PRSS36: variants seen among roughly 807,000 people sequenced by gnomAD.
The protein encoded by PRSS36 is serine protease 36.
A neutral mutation model predicts 94.3 loss-of-function variants in PRSS36; 90 were observed. That is an observed-to-expected ratio of 0.95 (90% CI 0.80 to 1.14). The LOEUF (loss-of-function observed/expected upper bound fraction) is 1.14. Among genes scored for constraint, PRSS36 ranks in the 50% most tolerant of loss-of-function variants. The probability of loss-of-function intolerance (pLI) is 0.00; values close to 1 mark genes in which losing one functional copy is unlikely to be tolerated. For synonymous variants in PRSS36, 500 were observed against 489.6 expected, an observed-to-expected ratio of 1.02 and a Z score of -0.28; for missense variants, 1,158 against 1,135.0, an observed-to-expected ratio of 1.02 and a Z score of -0.29.
In PRSS36 at chr16:31,139,297, G is replaced by T. The variant is rs773413780; in HGVS notation, c.2409C>A (p.Ile803=). The T allele has an allele frequency of 1.2e-6, 2 of 1,614,166 alleles. No individual in the cohort carries two copies. Residue 803 remains isoleucine (I), a synonymous_variant, in exon 15 of 15, where the codon ATC becomes ATA. Coordinates refer to ENST00000268281, the MANE Select transcript of PRSS36 (RefSeq NM_173502.5). ...FAAIGPEEAW[I]SQTVGEANFL... ...AGTTGGCCTCTCCCACTGTCTGGGA[G>T]ATCCAGGCCTCTTCAGGACCAATGG...
In PRSS36 at chr16:31,139,268, AG is replaced by A. The variant is rs2057641080; in HGVS notation, c.2437del (p.Leu813CysfsTer37). The A allele has an allele frequency of 9.9e-6, 16 of 1,614,186 alleles. No homozygotes were observed. Among genetic ancestry groups the A allele is most frequent in the Non-Finnish European group, 1.4e-5 (16 of 1,180,014 alleles). ...CCAGTGTGGGGAGCCACTGGGGGGCAGGAAGTTGGCCTCTCCCACTGTCTGG... is the reference window on the plus strand; with the variant it reads ...CCAGTGTGGGGAGCCACTGGGGGGCAGAAGTTGGCCTCTCCCACTGTCTGG... ...ISQTVGEANF[L>X]PPSGSPHWPT... On this transcript the variant is annotated frameshift_variant, in exon 15 of 15. Coordinates refer to ENST00000268281, the MANE Select transcript of PRSS36 (RefSeq NM_173502.5). LOFTEE classifies it low-confidence loss of function (END_TRUNC).
Position 31,140,576 on chromosome 16 carries a change from C to T in PRSS36, c.2083G>A (p.Ala695Thr). 1 of 1,601,440 alleles carries T rather than the reference C, an allele frequency of 6.2e-7. No individual in the cohort carries two copies. Among genetic ancestry groups the T allele is most frequent in the Non-Finnish European group, 8.5e-7 (1 of 1,173,782 alleles). The change falls in exon 13 of 15, where the codon GCC (alanine) becomes ACC (threonine). Residue 695 changes from alanine to threonine, a missense_variant. Physicochemically the swap from Ala to Thr is moderately conservative, Grantham distance 58 (BLOSUM62 0). Coordinates refer to ENST00000268281, the MANE Select transcript of PRSS36 (RefSeq NM_173502.5). Reference sequence around the variant, plus strand: ...GCCGGGTGGAGACAGATGGGCAGGGCTGATGGGGAGGGCTCCACCCGGGAG... The same window carrying T: ...GCCGGGTGGAGACAGATGGGCAGGGTTGATGGGGAGGGCTCCACCCGGGAG... ...LSSRVEPSPS[A>T]LPICLHPAGI...
chr16:31,141,333 G>T, intron 12 of PRSS36, 136 bp downstream of exon 12: 2 of 1,167,262 alleles, frequency 1.7e-6, no homozygotes, highest in Non-Finnish European at 2.4e-6. Flanking sequence ...ATTGCTTGAG[G>T]CTGGCCTGGG....
Position 31,145,802 on chromosome 16 carries a change from C to T in PRSS36, c.707G>A (p.Arg236Lys), listed in dbSNP as rs1428184313. Reference protein sequence around the residue: ...MLCAGYPEGRRDTCQGDSGGP... With the variant: ...MLCAGYPEGRKDTCQGDSGGP... Reference sequence around the variant, plus strand: ...GCCTTCCCTCACCTGGCAGGTGTCCCTGCGGCCCTCTGGGTAGCCAGCACA... The same window carrying T: ...GCCTTCCCTCACCTGGCAGGTGTCCTTGCGGCCCTCTGGGTAGCCAGCACA... The change falls in exon 6 of 15, where the codon AGG becomes AAG. Residue 236 changes from arginine (R) to lysine (K), a missense_variant. Physicochemically the swap from Arg to Lys is conservative, Grantham distance 26 (BLOSUM62 2). Coordinates refer to ENST00000268281, the MANE Select transcript of PRSS36 (RefSeq NM_173502.5). The T allele has an allele frequency of 1.9e-6, 3 of 1,613,244 alleles. No individual in the cohort carries two copies. The highest frequency in any genetic ancestry group is 4.5e-5 in the East Asian group (2 of 44,896).
At position 31,139,252 on chromosome 16, in the gene PRSS36, G is replaced by A. The variant is rs1488177241; in HGVS notation, c.2454C>T (p.Ser818=). Residue 818 remains serine, a synonymous_variant, in exon 15 of 15, where the codon TCC becomes TCT. Coordinates refer to ENST00000268281, the MANE Select transcript of PRSS36 (RefSeq NM_173502.5). ...GEANFLPPSG[S]PHWPTGGSNL... ...TGCTGCCTCCAGTGGGCCAGTGTGG[G>A]GAGCCACTGGGGGGCAGGAAGTTGG... 5 of 1,614,126 alleles carry A rather than the reference G, an allele frequency of 3.1e-6. No homozygotes were observed. In the South Asian group the frequency reaches 5.5e-5, roughly 18 times the overall value.
chr16:31,149,713 C>T lies in PRSS36; in HGVS notation c.56G>A (p.Gly19Glu). The T allele has an allele frequency of 6.2e-7, 1 of 1,614,170 alleles. No individual in the cohort carries two copies. Residue 19 changes from glycine to glutamate, a missense_variant, in exon 2 of 15, where the codon GGA becomes GAA. Physicochemically the swap from Gly to Glu is moderately conservative, Grantham distance 98. Coordinates refer to ENST00000268281, the MANE Select transcript of PRSS36 (RefSeq NM_173502.5). ...TACCTTACCTGAGTCCTGGAAGGCT[C>T]CTGGGATGGGACTGATGACTGGAAA... ...LVMLVISPIP[G>E]AFQDSALSPT...
intron 8 of PRSS36, 93 bp from the exon 9 acceptor site, chr16:31,143,086 G>A: frequency 1.5e-6 from 2 of 1,379,264 alleles, no homozygotes; most frequent in Non-Finnish European, 1.9e-6. Flanking sequence ...CGAGGATCCT[G>A]CATCCTGGCG....
chr16:31,145,744 T>A lies in PRSS36; in HGVS notation c.720+45A>T. ...ATGTCCTTTATCTATTTGTCACTGG[T>A]TAGGACTCTGGCCCTGCCAGGCAGG... On this transcript the variant is annotated intron_variant, in intron 6 of 14. Transcript: ENST00000268281. 5 of 1,582,432 alleles carry A rather than the reference T, an allele frequency of 3.2e-6. No homozygotes were observed. In the East Asian group the frequency reaches 1.1e-4, roughly 35 times the overall value.
In PRSS36 at chr16:31,149,250, C is replaced by A. The variant is rs751962508; in HGVS notation, c.110-15G>T. The A allele has an allele frequency of 1.3e-6, 2 of 1,541,624 alleles. No individual in the cohort carries two copies. The highest frequency in any genetic ancestry group is 2.4e-5 in the South Asian group (2 of 83,486). On this transcript the variant is annotated splice_polypyrimidine_tract_variant and intron_variant, in intron 3 of 14. Transcript: ENST00000268281. ...GCGCCCGCAGTCTGCAACGGGGAGCCGTGGAAGCCAAAGCTCCCCTCGGGT... is the reference window on the plus strand; with the variant it reads ...GCGCCCGCAGTCTGCAACGGGGAGCAGTGGAAGCCAAAGCTCCCCTCGGGT...
At chr16:31,142,254 A>C (rs1029044627) in intron 10 of PRSS36, among the ~76,000 whole-genome samples, 2 of 143,074 alleles carry the variant, frequency 1.4e-5, no homozygotes, top group Non-Finnish European at 3.1e-5. Context: ...CCCCGCTTCC[A>C]CCCCGGCTCC....
In PRSS36 at chr16:31,142,813, C is replaced by T. The variant is rs200254713; in HGVS notation, c.1281G>A (p.Arg427=). 2.4e-4 allele frequency: 366 copies of T among 1,526,436 alleles called. No individual in the cohort carries two copies. The African/African-American group carries it at 4.5e-3, about 19-fold the overall frequency. The allele number at this position is 1,526,436 out of a possible 1,614,324, so 94.6% of individuals were successfully genotyped here. A position where few individuals can be genotyped will look rare whatever the true frequency, so the allele number is the denominator to read the frequency against. The change falls in exon 9 of 15, where the codon CGG becomes CGA. Residue 427 remains arginine (R), a synonymous_variant. Coordinates refer to ENST00000268281, the MANE Select transcript of PRSS36 (RefSeq NM_173502.5). ...GTTCCGGGTGGGGTAGGCACACGGG[C>T]CGCGAAGCCGCGCTCAGGTTCACGG... The part of the protein sequence containing the change: ...RTPVNLSAAS[R]PVCLPHPEHY...
chr16:31,141,022 G>T (rs1023997787), intron 12 of PRSS36, among the ~76,000 whole-genome samples: 7 of 152,150 alleles, frequency 4.6e-5, no homozygotes, highest in Admixed American at 2.6e-4. Flanking sequence ...CCCTCCCTGG[G>T]TTCAAGCGAT....
intron 5 of PRSS36, 150 bp from the exon 6 acceptor site, chr16:31,146,105 G>T: frequency 1.5e-6 from 1 of 683,166 alleles, no homozygotes; most frequent in South Asian, 2.0e-5. Flanking sequence ...ATCTCCTCCT[G>T]CTTCTATCTG....
At position 31,140,428 on chromosome 16, in the gene PRSS36, G is replaced by C; in HGVS notation, c.2168-13C>G. ...GCAGCCACAGGGACTGGGGAGAGGA[G>C]ACAAAGTTGTTCCAGGGCTCTGGCC... is the stretch of plus-strand genomic sequence containing the variant. On this transcript the variant is annotated splice_polypyrimidine_tract_variant and intron_variant, in intron 13 of 14. Transcript: ENST00000268281. The C allele has an allele frequency of 1.2e-6, 2 of 1,612,014 alleles. No individual in the cohort carries two copies. Among genetic ancestry groups the C allele is most frequent in the Non-Finnish European group, 8.5e-7 (1 of 1,178,990 alleles).
At chr16:31,147,476 C>A (rs1276213941) in intron 5 of PRSS36, among the ~76,000 whole-genome samples, 1 of 152,142 alleles carries the variant, frequency 6.6e-6, no homozygotes, top group Non-Finnish European at 1.5e-5. Flanking sequence ...AGGATGGGCA[C>A]AGGTCTGACC....
At chr16:31,140,891 C>T (rs2057675877) in intron 12 of PRSS36, 134 bp from the exon 13 acceptor site, 1 of 974,254 alleles carries the variant, frequency 1.0e-6, no homozygotes, top group Non-Finnish European at 1.5e-6. Context: ...AATCTCCCTT[C>T]TAGGTCAAAA....
At position 31,144,853 on chromosome 16, in the gene PRSS36, C is replaced by T. The variant is rs778079405; in HGVS notation, c.720+936G>A. On this transcript the variant is annotated intron_variant, in intron 6 of 14. Coordinates refer to ENST00000268281, the MANE Select transcript of PRSS36 (RefSeq NM_173502.5). ...CTGTAATCCCAGAACTTTGGGAGGC[C>T]GAGGCAGGCGGATCATTTGAGGTCG... Among the ~76,000 whole-genome samples the T allele has an allele frequency of 7.9e-5, 12 of 151,576 alleles. 1 individual carries two copies. The highest frequency in any genetic ancestry group is 1.9e-4 in the East Asian group (1 of 5,164).
At chr16:31,141,257 A>G (rs1372363142) in intron 12 of PRSS36, among the ~76,000 whole-genome samples, 1 of 152,158 alleles carries the variant, frequency 6.6e-6, no homozygotes, top group African/African-American at 2.4e-5. Flanking sequence ...CACTATTTTA[A>G]GAGTCCTTTG....
intron 10 of PRSS36, 73 bp downstream of exon 10, chr16:31,142,408 C>T (rs556149202): frequency 2.2e-6 from 3 of 1,386,102 alleles, no homozygotes; most frequent in Non-Finnish European, 2.8e-6. Flanking sequence ...TTGGACTCGC[C>T]TTCCACAGGC....
Sources: allele counts gnomAD v4.1 joint callset (sites outside exome capture counted in the v4.1 genomes callset), GRCh38; gene constraint gnomAD v4.1.1; transcripts MANE v1.5; gene names NCBI Gene and HGNC (gene_info 2026-07-23, HGNC 2026-07-21).